The following ROR2 variants were observed in gnomAD, a reference collection of about 807,000 sequenced individuals.
The protein encoded by ROR2 is ROR family WNT receptor 2, also known as tyrosine-protein kinase transmembrane receptor ROR2.
A neutral mutation model predicts 74.9 loss-of-function variants in ROR2; 33 were observed. The ratio of observed to expected loss-of-function variants is 0.44; its 90% CI spans 0.33 to 0.59. The LOEUF (loss-of-function observed/expected upper bound fraction) is 0.59. ROR2 is among the 20% of genes least tolerant of loss of function. The pLI is 0.02. For synonymous variants in ROR2, 586 were observed against 558.7 expected, an observed-to-expected ratio of 1.05 and a Z score of -0.69; for missense variants, 1,216 against 1,313.8, an observed-to-expected ratio of 0.93 and a Z score of 1.15.
chr9:91,895,776 G>A (rs371402181), intron 1 of ROR2, among the ~76,000 whole-genome samples: 13 of 152,246 alleles, frequency 8.5e-5, no homozygotes, highest in African/African-American at 2.9e-4. Context: ...CATGAAAGAC[G>A]GCGGTTGCAG....
Position 91,783,970 on chromosome 9 carries a change from C to T in ROR2, c.98-8152G>A, listed in dbSNP as rs1826710262. 2.6e-5 allele frequency among the ~76,000 whole-genome samples: 4 copies of T among 152,248 alleles called. No homozygotes were observed. The South Asian group carries it at 8.3e-4, about 32-fold the overall frequency. On this transcript the variant is annotated intron_variant, in intron 1 of 8. Coordinates refer to ENST00000375708, the MANE Select transcript of ROR2 (RefSeq NM_004560.4). ...TCCATCCTGACTCCTTGAGGGCTTG[C>T]TTTAAATAACACCAGAACACCTACA... is the stretch of plus-strand genomic sequence containing the variant.
intron 5 of ROR2, among the ~76,000 whole-genome samples, chr9:91,735,230 G>C (rs183663739): frequency 6.6e-6 from 1 of 152,286 alleles, no homozygotes; most frequent in Admixed American, 6.5e-5. Context: ...CCTGTTATCT[G>C]TCCACACCCT....
intron 1 of ROR2, among the ~76,000 whole-genome samples, chr9:91,909,783 A>G (rs1204600397): frequency 6.7e-6 from 1 of 148,456 alleles, no homozygotes; most frequent in Non-Finnish European, 1.5e-5. Flanking sequence ...TTTTTCTTCA[A>G]ATCATTAGCT....
intron 1 of ROR2, among the ~76,000 whole-genome samples, chr9:91,889,565 C>A (rs996428682): frequency 3.3e-5 from 5 of 152,202 alleles, no homozygotes; most frequent in African/African-American, 1.2e-4. Flanking sequence ...GGCTGCATAG[C>A]TGCCCACACC....
intron 1 of ROR2, among the ~76,000 whole-genome samples, chr9:91,857,422 C>T (rs1272580958): frequency 6.6e-6 from 1 of 152,222 alleles, no homozygotes. Flanking sequence ...TTTACACAGC[C>T]TTGCCTTTAT....
chr9:91,873,207 AC>A (rs1300062391), intron 1 of ROR2, among the ~76,000 whole-genome samples: 1 of 70,588 alleles, frequency 1.4e-5, no homozygotes, highest in Non-Finnish European at 2.8e-5. Context: ...CGACTCATCT[AC>A]CACTACCACT....
chr9:91,877,094 A>C (rs1202215515), intron 1 of ROR2, among the ~76,000 whole-genome samples: 1 of 152,238 alleles, frequency 6.6e-6, no homozygotes, highest in Non-Finnish European at 1.5e-5. Flanking sequence ...AGAAGGCAGC[A>C]CAGGGTGCTG....
intron 2 of ROR2, among the ~76,000 whole-genome samples, chr9:91,762,849 T>A (rs71494476): frequency 0.13 from 19,372 of 152,240 alleles, 1,432 homozygotes; most frequent in African/African-American, 0.19. Flanking sequence ...TGAAGGACTG[T>A]AAGCTATTTC....
intron 2 of ROR2, among the ~76,000 whole-genome samples, chr9:91,772,170 G>T (rs1826254165): frequency 6.6e-6 from 1 of 152,218 alleles, no homozygotes; most frequent in African/African-American, 2.4e-5. Context: ...TCAAAAGGAA[G>T]TAAAATCACA....
Position 91,816,572 on chromosome 9 carries a change from G to A in ROR2, c.98-40754C>T, listed in dbSNP as rs528608875. On this transcript the variant is annotated intron_variant, in intron 1 of 8. Coordinates refer to ENST00000375708, the MANE Select transcript of ROR2 (RefSeq NM_004560.4). ...CTCCTTGCAGAAGCCACCTCCCCCC[G>A]CCAGGCTTCCTGCCCACCTGCCAAG... Among the ~76,000 whole-genome samples the A allele has an allele frequency of 6.3e-3, 947 of 150,784 alleles. 5 individuals carry two copies. Among genetic ancestry groups the A allele is most frequent in the Non-Finnish European group, 8.8e-3 (598 of 67,704 alleles).
At chr9:91,869,955 C>T (rs1443528105) in intron 1 of ROR2, among the ~76,000 whole-genome samples, 1 of 152,140 alleles carries the variant, frequency 6.6e-6, no homozygotes, top group Non-Finnish European at 1.5e-5. Context: ...AGTCAGTAAC[C>T]TACAATCCGT....
chr9:91,788,091 C>T (rs1449707398), intron 1 of ROR2, among the ~76,000 whole-genome samples: 1 of 152,014 alleles, frequency 6.6e-6, no homozygotes, highest in African/African-American at 2.4e-5. Context: ...ATTCACTAGA[C>T]AGACTCAACA....
intron 6 of ROR2, among the ~76,000 whole-genome samples, chr9:91,732,915 G>A (rs1837294400): frequency 6.6e-6 from 1 of 152,232 alleles, no homozygotes; most frequent in South Asian, 2.1e-4. Context: ...GCCTGGGGCT[G>A]AATGGCTCCA....
chr9:91,771,850 G>A (rs1826240083), intron 2 of ROR2, among the ~76,000 whole-genome samples: 1 of 152,210 alleles, frequency 6.6e-6, no homozygotes, highest in East Asian at 1.9e-4. Context: ...CAAAGGTAAA[G>A]CTGTCATATC....
chr9:91,852,664 G>GT (rs1266993235), intron 1 of ROR2, among the ~76,000 whole-genome samples: 1 of 93,968 alleles, frequency 1.1e-5, no homozygotes, highest in Non-Finnish European at 2.0e-5. Flanking sequence ...CACACACAAT[G>GT]TAAGTCCATA....
intron 2 of ROR2, among the ~76,000 whole-genome samples, chr9:91,769,299 G>C (rs545613067): frequency 4.6e-5 from 7 of 152,228 alleles, no homozygotes; most frequent in African/African-American, 1.7e-4. Context: ...CCGTGTCCTC[G>C]TAAAAGGAGT....
chr9:91,894,067 A>G (rs1275463961), intron 1 of ROR2, among the ~76,000 whole-genome samples: 1 of 152,172 alleles, frequency 6.6e-6, no homozygotes, highest in Non-Finnish European at 1.5e-5. Context: ...GATGAAATCC[A>G]AGTTCTCACT....
At chr9:91,901,021 G>A (rs1166442569) in intron 1 of ROR2, among the ~76,000 whole-genome samples, 13 of 152,070 alleles carry the variant, frequency 8.5e-5, no homozygotes, top group Admixed American at 8.5e-4. Context: ...CTGCACAAGG[G>A]GCCCCTCAGC....
intron 1 of ROR2, among the ~76,000 whole-genome samples, chr9:91,815,489 A>T (rs1406544361): frequency 6.6e-6 from 1 of 152,260 alleles, no homozygotes; most frequent in Non-Finnish European, 1.5e-5. Context: ...TCACACGTAG[A>T]ATGAATACAA....
Sources: allele counts gnomAD v4.1 joint callset (sites outside exome capture counted in the v4.1 genomes callset), GRCh38; gene constraint gnomAD v4.1.1; transcripts MANE v1.5; gene names NCBI Gene and HGNC (gene_info 2026-07-23, HGNC 2026-07-21).